The following BCL11B variants were observed in gnomAD, a reference collection of about 807,000 sequenced individuals.
The protein encoded by BCL11B is B-cell lymphoma/leukemia 11B.
A neutral mutation model predicts 49.9 loss-of-function variants in BCL11B; 8 were observed. That is an observed-to-expected ratio of 0.16 (90% CI 0.09 to 0.29). The LOEUF (loss-of-function observed/expected upper bound fraction) is 0.29, where lower values mean the gene tolerates loss of function less well. BCL11B is among the 10% of genes least tolerant of loss of function. BCL11B has a pLI of 1.00. For synonymous variants in BCL11B, 739 were observed against 637.4 expected, an observed-to-expected ratio of 1.16 and a Z score of -2.40; for missense variants, 1,006 against 1,351.0, an observed-to-expected ratio of 0.74 and a Z score of 4.00.
At chr14:99,239,113 T>C (rs1393905791) in intron 2 of BCL11B, among the ~76,000 whole-genome samples, 1 of 152,188 alleles carries the variant, frequency 6.6e-6, no homozygotes, top group Non-Finnish European at 1.5e-5. Context: ...TGAGAGATTC[T>C]CCAAATCTCA....
chr14:99,269,875 T>TAAAAA (rs56659919), intron 1 of BCL11B, among the ~76,000 whole-genome samples: 5 of 41,232 alleles, frequency 1.2e-4, no homozygotes, highest in African/African-American at 4.3e-4. Context: ...CTATTGCAGT[T>TAAAAA]AAAAAAAAAA....
At position 99,170,249 on chromosome 14, in the gene BCL11B, A is replaced by T. The variant is rs1026666754; in HGVS notation, c.*3902T>A. Reference sequence around the variant, plus strand: ...AACTGAAATCTCAGCTTTCTCTCCCATTCCCTCCCCCCTTTTTTTTAACTT... The same window carrying T: ...AACTGAAATCTCAGCTTTCTCTCCCTTTCCCTCCCCCCTTTTTTTTAACTT... On this transcript the variant is annotated 3_prime_UTR_variant, in exon 4 of 4. Coordinates refer to ENST00000357195, the MANE Select transcript of BCL11B (RefSeq NM_138576.4). 1.8e-5 allele frequency: 4 copies of T among 221,776 alleles called. No homozygotes were observed. The highest frequency in any genetic ancestry group is 9.0e-5 in the African/African-American group (4 of 44,690). 13.7% of individuals were successfully genotyped at this position (221,776 alleles called of 1,614,324 possible).
In BCL11B at chr14:99,255,405, GAAAAAAAAAA is replaced by G. The variant is rs67440207; in HGVS notation, c.427+2056_427+2065del. On this transcript the variant is annotated intron_variant, in intron 2 of 3. Coordinates refer to ENST00000357195, the MANE Select transcript of BCL11B (RefSeq NM_138576.4). The stretch of plus-strand genomic sequence containing the variant: ...TAGGCTGCTGCAGTATCACAACCTG[GAAAAAAAAAA>G]AAAAAAAAAAAAAAAAAAAACAGGG... Among the ~76,000 whole-genome samples, 12 of 65,168 alleles carry G rather than the reference GAAAAAAAAAA, an allele frequency of 1.8e-4. No individual in the cohort carries two copies. In the South Asian group the frequency reaches 2.3e-3, roughly 13 times the overall value. The allele number at this position is 65,168 out of a possible 152,430, so 42.8% of individuals were successfully genotyped here.
chr14:99,249,597 G>A (rs934915062), intron 2 of BCL11B, among the ~76,000 whole-genome samples: 3 of 152,170 alleles, frequency 2.0e-5, no homozygotes, highest in African/African-American at 7.2e-5. Flanking sequence ...TGGAATGTAG[G>A]CACAGTTATG....
At chr14:99,223,724 G>A (rs566844319) in intron 3 of BCL11B, among the ~76,000 whole-genome samples, 3 of 152,244 alleles carry the variant, frequency 2.0e-5, no homozygotes, top group Middle Eastern at 3.4e-3. Context: ...CAATAATCAC[G>A]TGGATTCCAA....
chr14:99,252,980 C>G (rs1889051127), intron 2 of BCL11B, among the ~76,000 whole-genome samples: 1 of 152,244 alleles, frequency 6.6e-6, no homozygotes, highest in Admixed American at 6.5e-5. Context: ...GGCATGCTGC[C>G]AAGCAGGGTC....
Position 99,175,839 on chromosome 14 carries a change from C to G in BCL11B, c.997G>C (p.Glu333Gln). 1 of 1,478,622 alleles carries G rather than the reference C, an allele frequency of 6.8e-7. No individual in the cohort carries two copies. Among genetic ancestry groups the G allele is most frequent in the South Asian group, 1.4e-5 (1 of 70,876 alleles). 91.6% of individuals were successfully genotyped at this position (1,478,622 alleles called of 1,614,324 possible). ...TGCTGGGCGACGAGCCCCATCTCCT[C>G]GGCACTGAGGCGGTGCGGGTCCAGG... is the stretch of plus-strand genomic sequence containing the variant. The part of the protein sequence containing the change: ...HHLDPHRLSA[E>Q]EMGLVAQHPS... Residue 333 changes from glutamate (E) to glutamine (Q), a missense_variant, in exon 4 of 4, where the codon GAG becomes CAG. Around this residue, in one of 6 missense-constraint regions of BCL11B, gnomAD observed 411 missense variants for 542.2 expected, o/e 0.76. Transcript: ENST00000357195.
At chr14:99,204,085 T>C (rs1433767922) in intron 3 of BCL11B, among the ~76,000 whole-genome samples, 1 of 152,186 alleles carries the variant, frequency 6.6e-6, no homozygotes, top group Non-Finnish European at 1.5e-5. Context: ...AGCATGGGCA[T>C]TCTCCCTGCT....
rs983772447 is a variant in BCL11B at position 99,175,677 on chromosome 14, G to A, written c.1159C>T (p.Pro387Ser). 9.1e-6 allele frequency: 14 copies of A among 1,540,760 alleles called. No homozygotes were observed. Among genetic ancestry groups the A allele is most frequent in the Non-Finnish European group, 1.0e-5 (12 of 1,156,894 alleles). The change falls in exon 4 of 4, where the codon CCT becomes TCT. Residue 387 changes from proline to serine, a missense_variant. Physicochemically the swap from Pro to Ser is moderately conservative, Grantham distance 74 (BLOSUM62 -1). Around this residue, in one of 6 missense-constraint regions of BCL11B, gnomAD observed 97 missense variants for 81.5 expected, o/e 1.19. Coordinates refer to ENST00000357195, the MANE Select transcript of BCL11B (RefSeq NM_138576.4). ...AAGGGGTTCAGGAGCCGGTGCATAG[G>A]GTTGCCGCGGCCCGGGGACACGGGC... ...PPPVSPGRGNPMHRLLNPFQP... is the reference protein window; with the variant it reads ...PPPVSPGRGNSMHRLLNPFQP...
Position 99,248,178 on chromosome 14 carries a change from T to C in BCL11B, c.427+9293A>G, listed in dbSNP as rs1428698612. 6.6e-6 allele frequency among the ~76,000 whole-genome samples: 1 copy of C among 151,862 alleles called. No homozygotes were observed. Among genetic ancestry groups the C allele is most frequent in the Non-Finnish European group, 1.5e-5 (1 of 67,980 alleles). On this transcript the variant is annotated intron_variant, in intron 2 of 3. Transcript: ENST00000357195. This position sits in a 1 kb window ranked among gnomAD's most constrained non-coding sequence, Gnocchi z 4.7. ...CCTCCTCCCTCCCTCCCTGCTCTCC[T>C]CTCCCAACCCTCAGCACAGACTCCT...
Position 99,232,338 on chromosome 14 carries a change from G to GCAAGCCTGC in BCL11B, c.428-782_428-781insGCAGGCTTG, listed in dbSNP as rs554394308. On this transcript the variant is annotated intron_variant, in intron 2 of 3. Transcript: ENST00000357195. The surrounding 1 kb of genome is among the most constrained non-coding windows in gnomAD (Gnocchi z 5.1). ...GCCCCACAGCTCGCTCAGCTCCACAGCAAGGCCTGCATTTGATTTAGCCGT... is the reference window on the plus strand; with the variant it reads ...GCCCCACAGCTCGCTCAGCTCCACAGCAAGCCTGCCAAGGCCTGCATTTGATTTAGCCGT... Among the ~76,000 whole-genome samples, 96 of 152,366 alleles carry GCAAGCCTGC rather than the reference G, an allele frequency of 6.3e-4. No individual in the cohort carries two copies. Among genetic ancestry groups the GCAAGCCTGC allele is most frequent in the African/African-American group, 2.1e-3 (87 of 41,592 alleles).
At chr14:99,209,425 T>C (rs1360018554) in intron 3 of BCL11B, among the ~76,000 whole-genome samples, 2 of 149,332 alleles carry the variant, frequency 1.3e-5, no homozygotes, top group South Asian at 2.1e-4. Context: ...ACCGAGGCCA[T>C]GTGAAGGAAC....
rs1364168348 is a variant in BCL11B, at chr14:99,195,060, G to C, written c.641-18865C>G. ...GAAAACGAAGGCTGCCCAGCATGCA[G>C]AAAGGGCTTCCTGAGGTCGCACAGC... On this transcript the variant is annotated intron_variant, in intron 3 of 3. Coordinates refer to ENST00000357195, the MANE Select transcript of BCL11B (RefSeq NM_138576.4). This position sits in a 1 kb window ranked among gnomAD's most constrained non-coding sequence, Gnocchi z 4.7. Among the ~76,000 whole-genome samples the C allele has an allele frequency of 6.6e-6, 1 of 152,202 alleles. No individual in the cohort carries two copies. Among genetic ancestry groups the C allele is most frequent in the South Asian group, 2.1e-4 (1 of 4,832 alleles).
At chr14:99,268,274 C>T (rs2664309) in intron 1 of BCL11B, among the ~76,000 whole-genome samples, 146,752 of 151,020 alleles carry the variant, frequency 0.97, 71,444 homozygotes, top group Non-Finnish European at 1. Flanking sequence ...TCCCTCCCCC[C>T]TCTCCCCTCC....
intron 1 of BCL11B, among the ~76,000 whole-genome samples, chr14:99,266,289 G>GGTACACGAGAGACC (rs1200538651): frequency 4.6e-5 from 7 of 152,130 alleles, no homozygotes; most frequent in Non-Finnish European, 7.3e-5. Context: ...CCCAAAAGCA[G>GGTACACGAGAGACC]CAACTCTCGA....
In BCL11B at chr14:99,231,689, C is replaced by T. The variant is rs1282664787; in HGVS notation, c.428-132G>A. 3.3e-6 allele frequency: 3 copies of T among 902,380 alleles called. No homozygotes were observed. Among genetic ancestry groups the T allele is most frequent in the African/African-American group, 3.4e-5 (2 of 59,120 alleles). 55.9% of individuals were successfully genotyped at this position (902,380 alleles called of 1,614,324 possible). A position where few individuals can be genotyped will look rare whatever the true frequency, so the allele number is the denominator to read the frequency against. ...CGGGGGTGGGAGGCCCCCGGGGTGC[C>T]AGGCCCTGCAGGGAAGGCAATCGGG... On this transcript the variant is annotated intron_variant, in intron 2 of 3. Transcript: ENST00000357195. This position sits in a 1 kb window ranked among gnomAD's most constrained non-coding sequence, Gnocchi z 8.1.
chr14:99,216,626 G>C (rs1373606656), intron 3 of BCL11B, among the ~76,000 whole-genome samples: 2 of 152,106 alleles, frequency 1.3e-5, no homozygotes, highest in Admixed American at 1.3e-4. Context: ...GCCCTCAAAG[G>C]CCTCAGCAGG....
chr14:99,200,381 C>A (rs984509838), intron 3 of BCL11B, among the ~76,000 whole-genome samples: 3 of 152,224 alleles, frequency 2.0e-5, no homozygotes, highest in African/African-American at 4.8e-5. Context: ...AGGCCAAGTG[C>A]CAAGAAGCCA....
chr14:99,239,443 C>T (rs140774150), intron 2 of BCL11B, among the ~76,000 whole-genome samples: 1 of 152,320 alleles, frequency 6.6e-6, no homozygotes, highest in Non-Finnish European at 1.5e-5. Context: ...GTAGCCCTTT[C>T]CCAGATGGAA....
Sources: gnomAD v4.1 joint callset for allele counts (sites outside exome capture counted in the v4.1 genomes callset) on GRCh38, gnomAD v4.1.1 for gene constraint, gnomAD v4.1.1 regional missense constraint, Gnocchi (gnomAD v3.1) non-coding constraint, MANE v1.5 for transcripts, NCBI Gene and HGNC (gene_info 2026-07-23, HGNC 2026-07-21) for gene names.